The following ARMCX4 variants were observed in gnomAD, a reference collection of about 807,000 sequenced individuals.
ARMCX4 encodes armadillo repeat-containing X-linked protein 4.
Under a neutral mutation model 34.7 loss-of-function variants are expected in ARMCX4, and 3 were observed. The observed-to-expected ratio is 0.09, with a 90% CI of 0.04 to 0.22. The LOEUF is 0.22. Ranked by LOEUF, ARMCX4 falls within the 10% of genes least tolerant of loss-of-function variation. The probability of loss-of-function intolerance (pLI) is 1.00; values close to 1 mark genes in which losing one functional copy is unlikely to be tolerated. For missense variants in ARMCX4, 1,448 were observed against 1,720.8 expected, an observed-to-expected ratio of 0.84 and a Z score of 2.81; for synonymous variants, 513 against 632.8, an observed-to-expected ratio of 0.81 and a Z score of 2.84.
chrX:101,463,357 A>G (rs1449719502), intron 4 of ARMCX4, among the ~76,000 whole-genome samples: 1 of 111,918 alleles, frequency 8.9e-6, no homozygotes, highest in African/African-American at 3.2e-5. Flanking sequence ...GATCCAGACT[A>G]CATTTCCAGC....
chrX:101,492,622 G>C lies in ARMCX4; in HGVS notation c.4033G>C (p.Glu1345Gln). 1 of 1,129,763 alleles carries C rather than the reference G, an allele frequency of 8.9e-7. No individual in the cohort carries two copies. Among genetic ancestry groups the C allele is most frequent in the Non-Finnish European group, 1.2e-6 (1 of 859,241 alleles). 93.1% of individuals were successfully genotyped at this position (1,129,763 alleles called of 1,213,427 possible). ...TAGTGGAGGGTCAATGTTGGGGCCT[G>C]AGGACCAGTCCAGTGGAAGGTCTTG... ...QASGGSMLGP[E>Q]DQSSGRSWAD... The change falls in exon 6 of 6, where the codon GAG becomes CAG. Residue 1345 changes from glutamate (E) to glutamine (Q), a missense_variant. Glu to Gln is a conservative substitution (Grantham distance 29). Coordinates refer to ENST00000423738, the MANE Select transcript of ARMCX4 (RefSeq NM_001256155.3).
chrX:101,490,178 GCAAAGC>G lies in ARMCX4; in HGVS notation c.1599_1604del (p.Ala534_Lys535del). The G allele has an allele frequency of 1.7e-6, 2 of 1,155,656 alleles. No individual in the cohort carries two copies. The highest frequency in any genetic ancestry group is 1.1e-6 in the Non-Finnish European group (1 of 872,696). ...CCTAATACTAGAGGTAAGGCTAGGG[GCAAAGC>G]CAAAGCCAAGTGTAAGACAGGGCCT... is the stretch of plus-strand genomic sequence containing the variant. On this transcript the variant is annotated inframe_deletion, in exon 6 of 6. Transcript: ENST00000423738.
intron 11 of ARMCX4, chrX:101,511,088 T>C (rs1934571119): frequency 8.9e-6 from 1 of 111,774 alleles, no homozygotes; most frequent in African/African-American, 3.2e-5. Context: ...TGATAGGAAC[T>C]TAATGGGCTG....
Position 101,489,062 on chromosome X carries a change from T to C in ARMCX4, c.473T>C (p.Ile158Thr). 8.7e-7 allele frequency: 1 copy of C among 1,155,115 alleles called. No homozygotes were observed. Among genetic ancestry groups the C allele is most frequent in the Non-Finnish European group, 1.1e-6 (1 of 872,836 alleles). Residue 158 changes from isoleucine (I) to threonine (T), a missense_variant, in exon 6 of 6, where the codon ATA becomes ACA. Ile to Thr is a moderately conservative substitution (Grantham distance 89, BLOSUM62 -1). Coordinates refer to ENST00000423738, the MANE Select transcript of ARMCX4 (RefSeq NM_001256155.3). Reference sequence around the variant, plus strand: ...CAAACTGATGCTGAGGCTGGCAAAATAGTTAAGAAAGAAGCAGTGACACAG... The same window carrying C: ...CAAACTGATGCTGAGGCTGGCAAAACAGTTAAGAAAGAAGCAGTGACACAG... ...VTQTDAEAGK[I>T]VKKEAVTQTK...
At chrX:101,433,279 C>T (rs782732359) in intron 2 of ARMCX4, among the ~76,000 whole-genome samples, 13 of 107,154 alleles carry the variant, frequency 1.2e-4, no homozygotes, top group East Asian at 8.9e-4. Flanking sequence ...TACACATGTA[C>T]GTACACATAT....
At chrX:101,456,014 G>T (rs1329856527) in intron 4 of ARMCX4, among the ~76,000 whole-genome samples, 1 of 111,680 alleles carries the variant, frequency 9.0e-6, no homozygotes, top group Non-Finnish European at 1.9e-5. Flanking sequence ...TAATGGCTGT[G>T]TAGTATTCCA....
intron 2 of ARMCX4, chrX:101,443,992 T>G (rs782131815): frequency 5.8e-5 from 22 of 380,629 alleles, no homozygotes; most frequent in Non-Finnish European, 1.1e-4. Flanking sequence ...CCCTGACACA[T>G]AAACTCTGGG....
rs781979802 is a variant in ARMCX4, at chrX:101,487,633, C to T, written c.-261C>T. 3.1e-6 allele frequency: 3 copies of T among 966,812 alleles called. No individual in the cohort carries two copies. Among genetic ancestry groups the T allele is most frequent in the South Asian group, 4.0e-5 (2 of 50,335 alleles). 79.7% of individuals were successfully genotyped at this position (966,812 alleles called of 1,213,427 possible). A position where few individuals can be genotyped will look rare whatever the true frequency, so the allele number is the denominator to read the frequency against. On this transcript the variant is annotated 5_prime_UTR_variant, in exon 4 of 6. Transcript: ENST00000423738. ...ATCTGCCTGCATGTCTGCTGCAGGG[C>T]TTAAGATCACTGGAAGCAAAGAAAC...
At chrX:101,528,945 G>A (rs978729547) in intron 11 of ARMCX4, among the ~76,000 whole-genome samples, 2 of 111,453 alleles carry the variant, frequency 1.8e-5, no homozygotes, top group African/African-American at 6.5e-5. Flanking sequence ...TCCCCATCAA[G>A]CTACCAATGA....
At position 101,488,672 on chromosome X, in the gene ARMCX4, C is replaced by T; in HGVS notation, c.83C>T (p.Thr28Ile). Reference sequence around the variant, plus strand: ...ACCTGCTACTACATTTACAAATTTACCAAGGGAAGAGCCCAGAGTGTGAGG... The same window carrying T: ...ACCTGCTACTACATTTACAAATTTATCAAGGGAAGAGCCCAGAGTGTGAGG... ...AGTCYYIYKF[T>I]KGRAQSVRTL... Residue 28 changes from threonine (T) to isoleucine (I), a missense_variant, in exon 6 of 6, where the codon ACC (threonine) becomes ATC (isoleucine). Physicochemically the swap from Thr to Ile is moderately conservative, Grantham distance 89. Coordinates refer to ENST00000423738, the MANE Select transcript of ARMCX4 (RefSeq NM_001256155.3). 8.6e-7 allele frequency: 1 copy of T among 1,156,078 alleles called. No homozygotes were observed. The highest frequency in any genetic ancestry group is 1.1e-6 in the Non-Finnish European group (1 of 872,954).
intron 11 of ARMCX4, among the ~76,000 whole-genome samples, chrX:101,518,200 T>C (rs782522267): frequency 9.8e-5 from 11 of 111,795 alleles, no homozygotes; most frequent in Middle Eastern, 4.7e-3. Flanking sequence ...TAAAGTTTAA[T>C]GCAATTGTTT....
rs1932332835 is a variant in ARMCX4 at position 101,457,187 on chromosome X, T to C, written c.-473+11143T>C. Among the ~76,000 whole-genome samples the C allele has an allele frequency of 3.6e-5, 4 of 112,296 alleles. No individual in the cohort carries two copies. The South Asian group carries it at 1.5e-3, about 41-fold the overall frequency. On this transcript the variant is annotated intron_variant and NMD_transcript_variant, in intron 4 of 15. Transcript: ENST00000433011. ...CATCCCTGTGGTATTGATTAACATA[T>C]TATTTTGCTTCCTAGTTTCCTGTAA...
Position 101,491,676 on chromosome X carries a change from G to A in ARMCX4, c.3087G>A (p.Gln1029=). 5 of 1,156,723 alleles carry A rather than the reference G, an allele frequency of 4.3e-6. No homozygotes were observed. The highest frequency in any genetic ancestry group is 6.5e-5 in the East Asian group (2 of 30,802). ...GGGCAGGCACAAGGCACTCTGCCCA[G>A]CCTCAGATTGTGGCCGGTTCCCAGG... ...GTGAGTRHSA[Q]PQIVAGSQGE... is the part of the protein sequence containing the mutation. The change falls in exon 6 of 6, where the codon CAG becomes CAA. Residue 1029 remains glutamine, a synonymous_variant. Transcript: ENST00000423738.
At chrX:101,419,385 G>A (rs987768621) in intron 2 of ARMCX4, among the ~76,000 whole-genome samples, 4 of 111,417 alleles carry the variant, frequency 3.6e-5, no homozygotes, top group Non-Finnish European at 7.5e-5. Flanking sequence ...GTGATAGTTC[G>A]CACAACTCTA....
intron 1 of ARMCX4, chrX:101,418,723 A>G (rs1929047369): frequency 9.4e-6 from 1 of 106,670 alleles, no homozygotes; most frequent in African/African-American, 3.4e-5. Flanking sequence ...TCCAGGGATT[A>G]GGCGGAAGGG....
At chrX:101,433,947 C>CTTT (rs782236846) in intron 2 of ARMCX4, among the ~76,000 whole-genome samples, 14 of 101,463 alleles carry the variant, frequency 1.4e-4, no homozygotes, top group African/African-American at 4.3e-4. Context: ...TGGTTATCCA[C>CTTT]TTTTTTTTTT....
intron 2 of ARMCX4, among the ~76,000 whole-genome samples, chrX:101,441,306 G>C (rs1555996842): frequency 9.0e-6 from 1 of 111,033 alleles, no homozygotes; most frequent in Non-Finnish European, 1.9e-5. Context: ...CTGCTAAGAG[G>C]CAGAATTTCC....
intron 2 of ARMCX4, among the ~76,000 whole-genome samples, chrX:101,441,725 G>A (rs193144189): frequency 1.4e-4 from 16 of 111,496 alleles, no homozygotes; most frequent in African/African-American, 2.6e-4. Flanking sequence ...AATTATGTGC[G>A]TGAACTAGTT....
downstream of ARMCX4, among the ~76,000 whole-genome samples, chrX:101,449,871 G>A (rs1305730337): frequency 9.0e-6 from 1 of 111,146 alleles, no homozygotes; most frequent in African/African-American, 3.3e-5. Context: ...GGCTTTCCAG[G>A]TATTCAAAGG....
Sources: allele counts gnomAD v4.1 joint callset (sites outside exome capture counted in the v4.1 genomes callset), GRCh38; gene constraint gnomAD v4.1.1; transcripts MANE v1.5; gene names NCBI Gene and HGNC (gene_info 2026-07-23, HGNC 2026-07-21).